Variants in MYCBP2 observed in about 807,000 individuals in gnomAD.
MYCBP2 encodes E3 ubiquitin-protein ligase MYCBP2.
A neutral mutation model predicts 525.3 loss-of-function variants in MYCBP2; 120 were observed. The observed-to-expected ratio is 0.23, with a 90% confidence interval of 0.20 to 0.27. The LOEUF (loss-of-function observed/expected upper bound fraction) is 0.27. Ranked by LOEUF, MYCBP2 falls within the 10% of genes least tolerant of loss-of-function variation. The probability of loss-of-function intolerance (pLI) is 1.00; values close to 1 mark genes in which losing one functional copy is unlikely to be tolerated. For synonymous variants in MYCBP2, 1,894 were observed against 1,955.8 expected, an observed-to-expected ratio of 0.97 and a Z score of 0.83; for missense variants, 4,149 against 5,657.1, an observed-to-expected ratio of 0.73 and a Z score of 8.55.
Position 77,217,963 on chromosome 13 carries a change from TTAAA to T in MYCBP2, c.2940-10_2940-7del. The T allele has an allele frequency of 1.3e-6, 2 of 1,535,926 alleles. No homozygotes were observed. Among genetic ancestry groups the T allele is most frequent in the Admixed American group, 2.1e-5 (1 of 46,736 alleles). On this transcript the variant is annotated splice_region_variant and splice_polypyrimidine_tract_variant and intron_variant, in intron 20 of 82. Coordinates refer to ENST00000544440, the MANE Select transcript of MYCBP2 (RefSeq NM_015057.5). ...GAACAAGAGTGGGACATCCCCTAGG[TTAAA>T]AAAAAAAAAAGTAAGTCAATTTCTT...
intron 1 of MYCBP2, among the ~76,000 whole-genome samples, chr13:77,298,784 C>T (rs1261296215): frequency 2.0e-5 from 3 of 151,986 alleles, no homozygotes; most frequent in South Asian, 2.1e-4. Context: ...AGATAGTATG[C>T]CATAAAAGTA....
At chr13:77,061,880 C>T in intron 74 of MYCBP2, 90 bp from the exon 75 acceptor site, 2 of 1,285,060 alleles carry the variant, frequency 1.6e-6, no homozygotes, top group Non-Finnish European at 2.1e-6. Context: ...CAAAAATAAA[C>T]CGTTATTCGG....
chr13:77,166,288 A>G (rs771396735), intron 41 of MYCBP2, 41 bp downstream of exon 41: 2 of 1,362,722 alleles, frequency 1.5e-6, no homozygotes, highest in Admixed American at 2.2e-5. Context: ...ACATAAATGC[A>G]CTTATTTTAC....
chr13:77,064,812 TCTC>T (rs2039942091), intron 72 of MYCBP2, 78 bp from the exon 73 acceptor site: 5 of 1,312,386 alleles, frequency 3.8e-6, no homozygotes, highest in Non-Finnish European at 5.1e-6. Context: ...TTAAATAACA[TCTC>T]CTATCAAAGG....
In MYCBP2 at chr13:77,095,555, G is replaced by A. The variant is rs2046109333; in HGVS notation, c.10002C>T (p.Ala3334=). ...CCTGGTGAGCTTCCATGGTGGGCAA[G>A]GCACGAGGGGTCTTGACTTGCATTG... The part of the protein sequence containing the change: ...RKPMQVKTPR[A]LPTMEAHQVI... Residue 3334 remains alanine (A), a synonymous_variant, in exon 58 of 83, where the codon GCC becomes GCT. Coordinates refer to ENST00000544440, the MANE Select transcript of MYCBP2 (RefSeq NM_015057.5). 1 of 1,613,518 alleles carries A rather than the reference G, an allele frequency of 6.2e-7. No individual in the cohort carries two copies. Among genetic ancestry groups the A allele is most frequent in the South Asian group, 1.1e-5 (1 of 91,070 alleles).
intron 68 of MYCBP2, 104 bp from the exon 69 acceptor site, chr13:77,070,815 T>C (rs2154084990): frequency 1.6e-6 from 1 of 642,304 alleles, no homozygotes; most frequent in Non-Finnish European, 2.5e-6. Context: ...ATTTTGTGTA[T>C]ATATTTTTAA....
At position 77,285,857 on chromosome 13, in the gene MYCBP2, G is replaced by GGGAAAGGAAAGGAAAGGAAAGGAAA. The variant is rs71102731; in HGVS notation, c.594+2279_594+2303dup. On this transcript the variant is annotated intron_variant, in intron 3 of 82. Coordinates refer to ENST00000544440, the MANE Select transcript of MYCBP2 (RefSeq NM_015057.5). ...GGGAAAAGAAAAAAGGAGAAAGGAA[G>GGGAAAGGAAAGGAAAGGAAAGGAAA]GGAAAGGAAAGGAAAGGAAAGGAAA... 2.6e-3 allele frequency among the ~76,000 whole-genome samples: 383 copies of GGGAAAGGAAAGGAAAGGAAAGGAAA among 146,122 alleles called. 1 individual carries two copies. The East Asian group carries it at 0.03, about 12-fold the overall frequency.
chr13:77,126,290 G>C (rs372874238), intron 53 of MYCBP2, 28 bp downstream of exon 53: 303 of 1,584,598 alleles, frequency 1.9e-4, no homozygotes, highest in Non-Finnish European at 2.4e-4. Flanking sequence ...GAGTATCTTA[G>C]AAGTCATGAA....
chr13:77,221,546 C>G (rs532511554), intron 20 of MYCBP2, among the ~76,000 whole-genome samples: 1 of 152,272 alleles, frequency 6.6e-6, no homozygotes, highest in Admixed American at 6.5e-5. Context: ...CCTTTCCACT[C>G]TGGCAAGACC....
chr13:77,295,589 C>T (rs956459127), intron 2 of MYCBP2, among the ~76,000 whole-genome samples: 2 of 152,156 alleles, frequency 1.3e-5, no homozygotes, highest in South Asian at 4.1e-4. Flanking sequence ...GTGTAGGAAA[C>T]AATTGCCTCT....
chr13:77,176,407 G>A (rs760792303), intron 36 of MYCBP2, 90 bp downstream of exon 36: 271 of 1,191,328 alleles, frequency 2.3e-4, no homozygotes, highest in Admixed American at 3.5e-4. Context: ...ATAGCTATAG[G>A]TAACAAACAA....
At chr13:77,136,550 T>C (rs2053791931) in intron 52 of MYCBP2, among the ~76,000 whole-genome samples, 1 of 152,180 alleles carries the variant, frequency 6.6e-6, no homozygotes, top group African/African-American at 2.4e-5. Flanking sequence ...GGCTCTTTCT[T>C]GGCTCTTTTA....
At chr13:77,108,871 T>C (rs2048302760) in intron 55 of MYCBP2, among the ~76,000 whole-genome samples, 1 of 152,038 alleles carries the variant, frequency 6.6e-6, no homozygotes, top group Non-Finnish European at 1.5e-5. Context: ...ACCCAGCTAA[T>C]TTTTTGTATT....
chr13:77,048,675 T>A (rs1363730798), intron 82 of MYCBP2, among the ~76,000 whole-genome samples: 1 of 152,104 alleles, frequency 6.6e-6, no homozygotes, highest in Admixed American at 6.5e-5. Flanking sequence ...GATAATACCA[T>A]CTACTCGCAG....
intron 32 of MYCBP2, among the ~76,000 whole-genome samples, chr13:77,184,543 G>A (rs1331455511): frequency 6.6e-6 from 1 of 152,118 alleles, no homozygotes; most frequent in African/African-American, 2.4e-5. Flanking sequence ...AATCTGCATC[G>A]CTGATGTTTT....
In MYCBP2 at chr13:77,212,064, T is replaced by A. The variant is rs534169029; in HGVS notation, c.3154A>T (p.Thr1052Ser). 1.2e-6 allele frequency: 2 copies of A among 1,614,128 alleles called. No homozygotes were observed. The highest frequency in any genetic ancestry group is 2.2e-5 in the South Asian group (2 of 91,082). The change falls in exon 22 of 83, where the codon ACT becomes TCT. Residue 1052 changes from threonine (T) to serine (S), a missense_variant. Thr to Ser is a moderately conservative substitution (Grantham distance 58). Transcript: ENST00000544440. The stretch of plus-strand genomic sequence containing the variant: ...TGGTCCCCACTTGCACCTATCCAAG[T>A]AGCTTTTCTTCCATATTTTGATCCA... The part of the protein sequence containing the change: ...NIGSKYGRKA[T>S]WIGASGDQTF...
At chr13:77,279,309 C>T (rs1346916846) in intron 3 of MYCBP2, among the ~76,000 whole-genome samples, 1 of 152,132 alleles carries the variant, frequency 6.6e-6, no homozygotes, top group Non-Finnish European at 1.5e-5. Flanking sequence ...GGTATCCCTT[C>T]TTGTAGGATG....
chr13:77,172,039 TA>T (rs2059192618), intron 37 of MYCBP2, among the ~76,000 whole-genome samples: 3 of 152,250 alleles, frequency 2.0e-5, no homozygotes, highest in African/African-American at 7.2e-5. Flanking sequence ...TAGCTGGGAT[TA>T]TAGGCATGCA....
chr13:77,228,506 CAAAA>C (rs60998294), intron 18 of MYCBP2, among the ~76,000 whole-genome samples: 10 of 95,562 alleles, frequency 1.0e-4, no homozygotes, highest in African/African-American at 3.2e-4. Flanking sequence ...GACCCTGTCT[CAAAA>C]AAAAAAAAAA....
Sources: allele counts gnomAD v4.1 joint callset (sites outside exome capture counted in the v4.1 genomes callset), GRCh38; gene constraint gnomAD v4.1.1; transcripts MANE v1.5; gene names NCBI Gene and HGNC (gene_info 2026-07-23, HGNC 2026-07-21).